Variants in LIMA1 observed in about 807,000 individuals in gnomAD.
LIMA1 encodes the protein LIM domain and actin binding 1.
A neutral mutation model predicts 62.6 loss-of-function variants in LIMA1; 52 were observed. That is an observed-to-expected ratio of 0.83 (90% CI 0.67 to 1.05). The LOEUF is 1.05. LIMA1 is among the 50% of genes least tolerant of loss of function. LIMA1 has a pLI of 0.00. For synonymous variants in LIMA1, 302 were observed against 317.8 expected (o/e 0.95, Z 0.53); for missense variants, 780 against 902.2 (o/e 0.86, Z 1.74).
intron 1 of LIMA1, among the ~76,000 whole-genome samples, chr12:50,261,307 C>G (rs1364021736): frequency 6.6e-6 from 1 of 151,862 alleles, no homozygotes; most frequent in Non-Finnish European, 1.5e-5. Flanking sequence ...CCACCACAAC[C>G]TCCCCAAGTG....
At chr12:50,202,444 T>C (rs1369792381) in intron 6 of LIMA1, among the ~76,000 whole-genome samples, 1 of 151,978 alleles carries the variant, frequency 6.6e-6, no homozygotes, top group Non-Finnish European at 1.5e-5. Flanking sequence ...CTGGTGGGAA[T>C]GTTTACAGCA....
chr12:50,176,962 C>T lies in LIMA1; in HGVS notation c.*102G>A, dbSNP rs1041722444. 2 of 902,188 alleles carry T rather than the reference C, an allele frequency of 2.2e-6. No homozygotes were observed. Among genetic ancestry groups the T allele is most frequent in the South Asian group, 3.2e-5 (1 of 30,954 alleles). 55.9% of individuals were successfully genotyped at this position (902,188 alleles called of 1,614,324 possible). ...TCCAAAGTTACTTCCAAGTAAATTA[C>T]ATTTCATGCTGGGATACCTGCTTAT... is the stretch of plus-strand genomic sequence containing the variant. On this transcript the variant is annotated 3_prime_UTR_variant, in exon 11 of 11. Transcript: ENST00000341247.
intron 1 of LIMA1, among the ~76,000 whole-genome samples, chr12:50,258,921 C>G (rs941221856): frequency 1.3e-5 from 2 of 151,954 alleles, no homozygotes; most frequent in African/African-American, 4.8e-5. Flanking sequence ...GCTGGGATTA[C>G]AGGTGTGAGT....
chr12:50,251,251 T>C (rs757123096), intron 1 of LIMA1, among the ~76,000 whole-genome samples: 1 of 152,192 alleles, frequency 6.6e-6, no homozygotes, highest in Non-Finnish European at 1.5e-5. Context: ...ATACTACCAA[T>C]ATAGTTGTGG....
intron 1 of LIMA1, among the ~76,000 whole-genome samples, chr12:50,266,117 C>A (rs754975709): frequency 1.3e-5 from 2 of 152,186 alleles, no homozygotes. Flanking sequence ...TGCCCTCCCC[C>A]CAAACCAATT....
At chr12:50,218,446 A>G (rs1277099160) in intron 4 of LIMA1, 1 of 152,224 alleles carries the variant, frequency 6.6e-6, no homozygotes, top group African/African-American at 2.4e-5. Flanking sequence ...TCTGCAAGAC[A>G]GTTCAAGAAA....
At position 50,177,833 on chromosome 12, in the gene LIMA1, A is replaced by T. The variant is rs1592486854; in HGVS notation, c.1511T>A (p.Leu504Gln). 1.2e-6 allele frequency: 2 copies of T among 1,613,380 alleles called. No individual in the cohort carries two copies. The highest frequency in any genetic ancestry group is 1.7e-5 in the Admixed American group (1 of 59,850). ...GGCCTTGGCTTCCATACTTGCAGCCAGGACACCCACCTTAGCAATAGGGGC... is the reference window on the plus strand; with the variant it reads ...GGCCTTGGCTTCCATACTTGCAGCCTGGACACCCACCTTAGCAATAGGGGC... ...EDAPIAKVGVLAASMEAKASS... is the reference protein window; with the variant it reads ...EDAPIAKVGVQAASMEAKASS... Residue 504 changes from leucine to glutamine, a missense_variant, in exon 11 of 11, where the codon CTG (leucine) becomes CAG (glutamine). By Grantham distance (113) the Leu-to-Gln change is moderately radical (BLOSUM62 -2). Transcript: ENST00000341247.
intron 4 of LIMA1, among the ~76,000 whole-genome samples, chr12:50,210,085 CA>C (rs1941226373): frequency 6.6e-6 from 1 of 151,832 alleles, no homozygotes; most frequent in South Asian, 2.1e-4. Context: ...TTAGAATTTT[CA>C]AAACTCAAAA....
intron 1 of LIMA1, among the ~76,000 whole-genome samples, chr12:50,270,941 A>G (rs1380534209): frequency 1.3e-5 from 2 of 151,874 alleles, no homozygotes; most frequent in Non-Finnish European, 2.9e-5. Flanking sequence ...AAACACAAAA[A>G]ATTAGCCGGG....
intron 5 of LIMA1, among the ~76,000 whole-genome samples, chr12:50,205,436 A>G (rs3861100): frequency 0.37 from 56,319 of 151,880 alleles, 11,153 homozygotes; most frequent in African/African-American, 0.5. Context: ...TTTTTAATTT[A>G]CATTTCTTTG....
chr12:50,208,980 T>TTTTC (rs1476080584), intron 4 of LIMA1, among the ~76,000 whole-genome samples: 3 of 147,562 alleles, frequency 2.0e-5, no homozygotes, highest in African/African-American at 5.0e-5. Context: ...TAAGTCTATT[T>TTTTC]TTTCTTTCTT....
chr12:50,222,249 A>T lies in LIMA1; in HGVS notation c.402T>A (p.Pro134=). ...IHPRSRLRSP[P]EALVQGRYPH... is the part of the protein sequence containing the mutation. ...GATATCGACCCTGAACGAGGGCTTC[A>T]GGAGGTGACCTGAGTCTAGATCTGG... The change falls in exon 4 of 11, where the codon CCT becomes CCA. Residue 134 remains proline (P), a synonymous_variant. Coordinates refer to ENST00000341247, the MANE Select transcript of LIMA1 (RefSeq NM_016357.5). 6.2e-7 allele frequency: 1 copy of T among 1,614,140 alleles called. No individual in the cohort carries two copies. The highest frequency in any genetic ancestry group is 1.1e-5 in the South Asian group (1 of 91,078).
chr12:50,180,155 G>T (rs1384817761), intron 10 of LIMA1, among the ~76,000 whole-genome samples: 1 of 151,970 alleles, frequency 6.6e-6, no homozygotes, highest in East Asian at 1.9e-4. Context: ...ACAAAAATTA[G>T]CCAGGCATGT....
intron 3 of LIMA1, among the ~76,000 whole-genome samples, chr12:50,225,937 C>T (rs991275751): frequency 1.3e-5 from 2 of 152,188 alleles, no homozygotes; most frequent in East Asian, 3.8e-4. Flanking sequence ...TATTTGCCAA[C>T]TGTTTAGATT....
chr12:50,185,447 A>T (rs1940609062), intron 9 of LIMA1: 1 of 456,116 alleles, frequency 2.2e-6, no homozygotes, highest in Admixed American at 2.3e-5. Context: ...AGGAGGCAGA[A>T]GCTGGAAGAG....
At chr12:50,281,764 C>T (rs746391533) in intron 1 of LIMA1, among the ~76,000 whole-genome samples, 9 of 152,146 alleles carry the variant, frequency 5.9e-5, no homozygotes, top group Non-Finnish European at 1.0e-4. Context: ...AAGAGAATCA[C>T]TCATTATTAC....
chr12:50,255,951 G>A (rs746123704), intron 1 of LIMA1, among the ~76,000 whole-genome samples: 4 of 151,790 alleles, frequency 2.6e-5, no homozygotes, highest in Admixed American at 6.6e-5. Flanking sequence ...GTGCAGTGGC[G>A]CAATCTCGGC....
chr12:50,209,675 ATTTAT>A (rs1280909092), intron 4 of LIMA1, among the ~76,000 whole-genome samples: 2 of 151,078 alleles, frequency 1.3e-5, no homozygotes, highest in Non-Finnish European at 2.9e-5. Context: ...TTATTTATTT[ATTTAT>A]TTTGAGACAG....
intron 10 of LIMA1, 22 bp downstream of exon 10, chr12:50,181,882 G>A: frequency 1.2e-6 from 2 of 1,613,896 alleles, no homozygotes; most frequent in Non-Finnish European, 1.7e-6. Context: ...ATAGACAGAT[G>A]GCTTGTTTTG....
Sources: allele counts gnomAD v4.1 joint callset (sites outside exome capture counted in the v4.1 genomes callset), GRCh38; gene constraint gnomAD v4.1.1; transcripts MANE v1.5; gene names NCBI Gene and HGNC (gene_info 2026-07-23, HGNC 2026-07-21).